The following TMEM74 variants were observed in gnomAD, a reference collection of about 807,000 sequenced individuals.
TMEM74 encodes the protein transmembrane protein 74.
A neutral mutation model predicts 18.1 loss-of-function variants in TMEM74; 13 were observed. That is an observed-to-expected ratio of 0.72 (90% CI 0.47 to 1.14). The LOEUF is 1.14. Among genes scored for constraint, TMEM74 ranks in the 50% most tolerant of loss-of-function variants. The probability of loss-of-function intolerance (pLI) is 0.00; values close to 1 mark genes in which losing one functional copy is unlikely to be tolerated. For synonymous variants in TMEM74, 159 were observed against 146.6 expected, an observed-to-expected ratio of 1.08 and a Z score of -0.61; for missense variants, 372 against 375.9, an observed-to-expected ratio of 0.99 and a Z score of 0.09.
At chr8:108,763,989 T>C (rs2935792) in intron 1 of TMEM74, among the ~76,000 whole-genome samples, 58,384 of 151,992 alleles carry the variant, frequency 0.38, 11,630 homozygotes, top group African/African-American at 0.48. Context: ...TTAGTAAACA[T>C]GGATTTTTAC....
intron 1 of TMEM74, among the ~76,000 whole-genome samples, chr8:108,716,401 T>G (rs1813523333): frequency 6.6e-6 from 1 of 152,024 alleles, no homozygotes; most frequent in Non-Finnish European, 1.5e-5. Context: ...AGGTAACCTG[T>G]TTAGAAATGG....
chr8:108,613,591 A>G (rs1812355956), intron 2 of TMEM74, among the ~76,000 whole-genome samples: 1 of 152,174 alleles, frequency 6.6e-6, no homozygotes, highest in Admixed American at 6.6e-5. Context: ...TTCTTTGGTA[A>G]AAACTGTTTG....
In TMEM74 at chr8:108,783,979, G is replaced by T; in HGVS notation, c.*202C>A. 1 of 444,706 alleles carries T rather than the reference G, an allele frequency of 2.2e-6. No homozygotes were observed. The highest frequency in any genetic ancestry group is 3.9e-5 in the Admixed American group (1 of 25,422). The allele number at this position is 444,706 out of a possible 1,614,324, so 27.5% of individuals were successfully genotyped here. A position where few individuals can be genotyped will look rare whatever the true frequency, so the allele number is the denominator to read the frequency against. The stretch of plus-strand genomic sequence containing the variant: ...TCAGCTCTTCAGAAGGATAGGTGTG[G>T]CTGGTTGTGGTTTCTTATACATCTT... On this transcript the variant is annotated 3_prime_UTR_variant, in exon 2 of 2. Coordinates refer to ENST00000297459, the MANE Select transcript of TMEM74 (RefSeq NM_153015.3).
chr8:108,638,305 A>T (rs1403672114), intron 2 of TMEM74, among the ~76,000 whole-genome samples: 4 of 144,016 alleles, frequency 2.8e-5, no homozygotes, highest in Non-Finnish European at 4.6e-5. Flanking sequence ...CTAGGGGTTC[A>T]ATTTCAAAGT....
At chr8:108,663,338 T>A (rs1812918663) in intron 1 of TMEM74, among the ~76,000 whole-genome samples, 1 of 152,182 alleles carries the variant, frequency 6.6e-6, no homozygotes, top group Non-Finnish European at 1.5e-5. Flanking sequence ...AAGACATTCA[T>A]GCGGTCAACA....
chr8:108,707,792 C>A (rs1263008074), intron 1 of TMEM74, among the ~76,000 whole-genome samples: 5 of 152,134 alleles, frequency 3.3e-5, no homozygotes, highest in Non-Finnish European at 7.4e-5. Flanking sequence ...AAAATGACTT[C>A]TTGGATATGA....
chr8:108,690,867 T>C (rs2130607194), intron 1 of TMEM74, among the ~76,000 whole-genome samples: 1 of 152,186 alleles, frequency 6.6e-6, no homozygotes. Context: ...AGCTCAGCCA[T>C]GAAGCATGGT....
At chr8:108,657,857 AAAATATATATATATATAT>A (rs1273582599) in intron 1 of TMEM74, among the ~76,000 whole-genome samples, 9 of 62,284 alleles carry the variant, frequency 1.4e-4, no homozygotes, top group South Asian at 1.2e-3. Context: ...AAAAAAAAAA[AAAATATATATATATATAT>A]ATATATATAT....
chr8:108,701,139 C>T (rs1463921038), intron 1 of TMEM74, among the ~76,000 whole-genome samples: 6 of 148,844 alleles, frequency 4.0e-5, no homozygotes, highest in African/African-American at 7.5e-5. Flanking sequence ...GAAAAAAATA[C>T]GTAATCACAA....
rs1814322564 is a variant in TMEM74 at position 108,782,665 on chromosome 8, G to A, written c.*1516C>T. Reference sequence around the variant, plus strand: ...CCACAAACTTCAGACATTTGAAATAGCCTTTAAAAATCTGCAAAGAAATCA... The same window carrying A: ...CCACAAACTTCAGACATTTGAAATAACCTTTAAAAATCTGCAAAGAAATCA... On this transcript the variant is annotated 3_prime_UTR_variant, in exon 2 of 2. Transcript: ENST00000297459. Among the ~76,000 whole-genome samples the A allele has an allele frequency of 6.6e-6, 1 of 152,102 alleles. No homozygotes were observed. Among genetic ancestry groups the A allele is most frequent in the South Asian group, 2.1e-4 (1 of 4,816 alleles).
chr8:108,612,346 A>G (rs1440296533), intron 2 of TMEM74, among the ~76,000 whole-genome samples: 1 of 152,190 alleles, frequency 6.6e-6, no homozygotes, highest in African/African-American at 2.4e-5. Context: ...TAATTAAAAT[A>G]ATATTTAACA....
At chr8:108,723,073 G>A (rs1208407202) in intron 1 of TMEM74, among the ~76,000 whole-genome samples, 12 of 152,150 alleles carry the variant, frequency 7.9e-5, no homozygotes. Context: ...CCTGGGCTGG[G>A]TACAGTCTGT....
chr8:108,677,598 T>C (rs564792204), intron 1 of TMEM74, among the ~76,000 whole-genome samples: 1 of 152,132 alleles, frequency 6.6e-6, no homozygotes, highest in East Asian at 1.9e-4. Flanking sequence ...AAAAGATGAC[T>C]TTTTTCCAGA....
intron 1 of TMEM74, among the ~76,000 whole-genome samples, chr8:108,709,944 T>C (rs1468157337): frequency 1.3e-5 from 2 of 152,206 alleles, no homozygotes; most frequent in Admixed American, 6.5e-5. Context: ...AATACAATAT[T>C]ATGATTATGA....
At chr8:108,628,919 C>A (rs557991367) in intron 2 of TMEM74, among the ~76,000 whole-genome samples, 1 of 151,990 alleles carries the variant, frequency 6.6e-6, no homozygotes, top group South Asian at 2.1e-4. Flanking sequence ...GTTTGTTGGC[C>A]ACATAAATGT....
intron 1 of TMEM74, among the ~76,000 whole-genome samples, chr8:108,716,771 T>C (rs1176024202): frequency 2.1e-5 from 3 of 144,196 alleles, no homozygotes; most frequent in African/African-American, 7.7e-5. Flanking sequence ...CAAAGGGGAG[T>C]CTCTTTAAGA....
intron 2 of TMEM74, among the ~76,000 whole-genome samples, chr8:108,651,298 C>T (rs1270672224): frequency 6.6e-6 from 1 of 152,148 alleles, no homozygotes; most frequent in East Asian, 1.9e-4. Flanking sequence ...ACTTTGTTTA[C>T]ATGCTGAATC....
At position 108,661,861 on chromosome 8, in the gene TMEM74, G is replaced by A. The variant is rs1046770876; in HGVS notation, n.120-6424C>T. On this transcript the variant is annotated intron_variant and non_coding_transcript_variant, in intron 1 of 3. Transcript: ENST00000518838. ...CTGGAAAGGACCTTCTAAGGAGGAAGGAGTTTGTGAAATTGCAAGAAATTC... is the reference window on the plus strand; with the variant it reads ...CTGGAAAGGACCTTCTAAGGAGGAAAGAGTTTGTGAAATTGCAAGAAATTC... Among the ~76,000 whole-genome samples the A allele has an allele frequency of 1.3e-4, 20 of 152,234 alleles. No individual in the cohort carries two copies. In the East Asian group the frequency reaches 3.3e-3, roughly 25 times the overall value.
At chr8:108,649,162 A>T (rs1812748592) in intron 2 of TMEM74, among the ~76,000 whole-genome samples, 1 of 152,128 alleles carries the variant, frequency 6.6e-6, no homozygotes, top group Non-Finnish European at 1.5e-5. Context: ...GCTTTCAAAG[A>T]GCAATTATGT....
Sources: gnomAD v4.1 joint callset for allele counts (sites outside exome capture counted in the v4.1 genomes callset) on GRCh38, gnomAD v4.1.1 for gene constraint, MANE v1.5 for transcripts, NCBI Gene and HGNC (gene_info 2026-07-23, HGNC 2026-07-21) for gene names.